CNTNAP5: variants seen among roughly 807,000 people sequenced by gnomAD.
The protein encoded by CNTNAP5 is contactin-associated protein-like 5.
In CNTNAP5, 72 loss-of-function variants were observed where a neutral mutation model predicts 150.2. The ratio of observed to expected loss-of-function variants is 0.48; its 90% CI spans 0.40 to 0.58. The LOEUF (loss-of-function observed/expected upper bound fraction) is 0.58, where lower values mean the gene tolerates loss of function less well. Ranked by LOEUF, CNTNAP5 falls within the 20% of genes least tolerant of loss-of-function variation. The pLI is 0.00. For synonymous variants in CNTNAP5, 672 were observed against 619.8 expected (o/e 1.08, Z -1.25); for missense variants, 1,636 against 1,626.2 (o/e 1.01, Z -0.10).
At chr2:124,307,932 A>C (rs1688732335) in intron 3 of CNTNAP5, among the ~76,000 whole-genome samples, 1 of 152,194 alleles carries the variant, frequency 6.6e-6, no homozygotes, top group Non-Finnish European at 1.5e-5. Flanking sequence ...CAGAACCTAC[A>C]ATATATGACA....
At chr2:124,717,345 T>G (rs1454958760) in intron 13 of CNTNAP5, among the ~76,000 whole-genome samples, 1 of 152,216 alleles carries the variant, frequency 6.6e-6, no homozygotes, top group Non-Finnish European at 1.5e-5. Flanking sequence ...AGTTTAATGT[T>G]CAGGGAATAC....
In CNTNAP5 at chr2:124,026,823, A is replaced by C. The variant is rs575867605; in HGVS notation, c.82+1091A>C. 9.8e-5 allele frequency among the ~76,000 whole-genome samples: 15 copies of C among 152,352 alleles called. No individual in the cohort carries two copies. The South Asian group carries it at 1.0e-3, about 11-fold the overall frequency. On this transcript the variant is annotated intron_variant, in intron 1 of 23. Transcript: ENST00000682447. ...CATGGTTGGTTAGAGAACAGTAGGAAGATTACTTACCACATAGGGACCTTT... is the reference window on the plus strand; with the variant it reads ...CATGGTTGGTTAGAGAACAGTAGGACGATTACTTACCACATAGGGACCTTT...
intron 1 of CNTNAP5, among the ~76,000 whole-genome samples, chr2:124,040,369 G>A (rs2104630620): frequency 6.6e-6 from 1 of 152,192 alleles, no homozygotes; most frequent in Middle Eastern, 3.4e-3. Flanking sequence ...TTTAGGGCAA[G>A]ATACTGTTAC....
chr2:124,485,612 CAA>C (rs576700912), intron 7 of CNTNAP5, among the ~76,000 whole-genome samples: 7 of 52,398 alleles, frequency 1.3e-4, no homozygotes, highest in African/African-American at 3.4e-4. Flanking sequence ...GACTCTGTCT[CAA>C]AAAAAAAAAA....
chr2:124,837,371 T>C (rs1376395424), intron 19 of CNTNAP5, among the ~76,000 whole-genome samples: 1 of 152,014 alleles, frequency 6.6e-6, no homozygotes, highest in Non-Finnish European at 1.5e-5. Flanking sequence ...AAAGATGAGG[T>C]AGGAGGGAAG....
intron 2 of CNTNAP5, among the ~76,000 whole-genome samples, 164 bp downstream of exon 2, chr2:124,221,973 T>C (rs532595536): frequency 6.6e-6 from 1 of 152,284 alleles, no homozygotes; most frequent in East Asian, 1.9e-4. Context: ...CATACTTCCA[T>C]AGCATAATAG....
rs375953291 is a variant in CNTNAP5 at position 124,280,312 on chromosome 2, C to T, written c.381+37919C>T. On this transcript the variant is annotated intron_variant, in intron 3 of 23. Transcript: ENST00000682447. ...CCTCCTGAGTAGCTGAGATTACAGGCGCCCATCACCATGCCCAGATAATTT... is the reference window on the plus strand; with the variant it reads ...CCTCCTGAGTAGCTGAGATTACAGGTGCCCATCACCATGCCCAGATAATTT... Among the ~76,000 whole-genome samples, 36 of 152,036 alleles carry T rather than the reference C, an allele frequency of 2.4e-4. No homozygotes were observed. The Middle Eastern group carries it at 0.014, about 57-fold the overall frequency.
intron 3 of CNTNAP5, among the ~76,000 whole-genome samples, chr2:124,301,283 C>T (rs1008453228): frequency 5.9e-5 from 9 of 152,162 alleles, no homozygotes; most frequent in African/African-American, 1.7e-4. Context: ...AGTGTAGTAT[C>T]GATCAACGTG....
At chr2:124,157,561 T>C (rs935480104) in intron 1 of CNTNAP5, among the ~76,000 whole-genome samples, 1 of 152,204 alleles carries the variant, frequency 6.6e-6, no homozygotes, top group East Asian at 1.9e-4. Flanking sequence ...TAGTTAAAAT[T>C]TGAATATAAT....
intron 13 of CNTNAP5, among the ~76,000 whole-genome samples, chr2:124,717,111 C>A (rs1459673019): frequency 1.3e-5 from 2 of 152,132 alleles, no homozygotes; most frequent in Non-Finnish European, 2.9e-5. Context: ...TCTTTTTTAA[C>A]TGTGATAGCA....
intron 20 of CNTNAP5, among the ~76,000 whole-genome samples, chr2:124,867,295 C>G (rs1252005918): frequency 1.3e-5 from 2 of 152,174 alleles, no homozygotes; most frequent in African/African-American, 4.8e-5. Flanking sequence ...TACAGTGTTC[C>G]ATTCTCTTTG....
At chr2:124,260,045 A>G (rs2104599760) in intron 3 of CNTNAP5, among the ~76,000 whole-genome samples, 1 of 152,318 alleles carries the variant, frequency 6.6e-6, no homozygotes, top group Non-Finnish European at 1.5e-5. Context: ...ACCAAAAAAG[A>G]GCCCGCATTG....
chr2:124,332,447 C>T (rs1415684453), intron 3 of CNTNAP5, among the ~76,000 whole-genome samples: 1 of 151,138 alleles, frequency 6.6e-6, no homozygotes, highest in Non-Finnish European at 1.5e-5. Flanking sequence ...TATGTGTTAC[C>T]TCATAGAATA....
At chr2:124,494,395 A>T (rs1055486315) in intron 7 of CNTNAP5, among the ~76,000 whole-genome samples, 2 of 152,116 alleles carry the variant, frequency 1.3e-5, no homozygotes, top group African/African-American at 4.8e-5. Flanking sequence ...TCCTGCAGAT[A>T]GATGAACATG....
chr2:124,417,468 A>T lies in CNTNAP5; in HGVS notation c.407A>T (p.Asp136Val). The T allele has an allele frequency of 6.2e-7, 1 of 1,613,960 alleles. No homozygotes were observed. Among genetic ancestry groups the T allele is most frequent in the Non-Finnish European group, 8.5e-7 (1 of 1,179,868 alleles). ...ACCTTTGCAGGAAACATGAATGCTG[A>T]CAGCGTGGTGCACCACAAGCTATTG... is the stretch of plus-strand genomic sequence containing the variant. ...IWTFAGNMNADSVVHHKLLHS... is the reference protein window; with the variant it reads ...IWTFAGNMNAVSVVHHKLLHS... The change falls in exon 4 of 24, where the codon GAC becomes GTC. Residue 136 changes from aspartate to valine, a missense_variant. Physicochemically the swap from Asp to Val is radical, Grantham distance 152. Transcript: ENST00000682447.
intron 11 of CNTNAP5, among the ~76,000 whole-genome samples, chr2:124,582,536 GGCTA>G (rs1477940249): frequency 6.6e-6 from 1 of 152,090 alleles, no homozygotes; most frequent in Non-Finnish European, 1.5e-5. Context: ...TGCCTACCTG[GGCTA>G]GCAGCTGGGA....
intron 19 of CNTNAP5, among the ~76,000 whole-genome samples, chr2:124,831,784 A>C (rs1682721560): frequency 6.6e-6 from 1 of 151,720 alleles, no homozygotes; most frequent in Non-Finnish European, 1.5e-5. Context: ...AATTACATGA[A>C]AAGTTTATTT....
At position 124,563,282 on chromosome 2, in the gene CNTNAP5, A is replaced by G. The variant is rs1304646803; in HGVS notation, c.1715A>G (p.Asn572Ser). ...CSQSWTTFYC[N>S]CSDTSYTGAT... ...CAGTCCTGGACTACCTTCTATTGTAACTGCAGTGACACAAGTTACACTGGT... is the reference window on the plus strand; with the variant it reads ...CAGTCCTGGACTACCTTCTATTGTAGCTGCAGTGACACAAGTTACACTGGT... The change falls in exon 11 of 24, where the codon AAC becomes AGC. Residue 572 changes from asparagine (N) to serine (S), a missense_variant. Coordinates refer to ENST00000682447, the MANE Select transcript of CNTNAP5 (RefSeq NM_001367498.1). 1.3e-6 allele frequency: 2 copies of G among 1,579,676 alleles called. No homozygotes were observed. Among genetic ancestry groups the G allele is most frequent in the Admixed American group, 1.8e-5 (1 of 54,522 alleles).
At chr2:124,510,720 C>A (rs1424068585) in intron 8 of CNTNAP5, among the ~76,000 whole-genome samples, 2 of 151,936 alleles carry the variant, frequency 1.3e-5, no homozygotes, top group African/African-American at 4.8e-5. Flanking sequence ...TTTCTGCAGG[C>A]TTTCCCATTC....
Sources: gnomAD v4.1 joint callset for allele counts (sites outside exome capture counted in the v4.1 genomes callset) on GRCh38, gnomAD v4.1.1 for gene constraint, MANE v1.5 for transcripts, NCBI Gene and HGNC (gene_info 2026-07-23, HGNC 2026-07-21) for gene names.